Variants in MKLN1 observed in about 807,000 individuals in gnomAD.
The protein encoded by MKLN1 is muskelin 1, also known as muskelin.
A neutral mutation model predicts 99.0 loss-of-function variants in MKLN1; 18 were observed. The ratio of observed to expected loss-of-function variants is 0.18; its 90% CI spans 0.13 to 0.27. The LOEUF (loss-of-function observed/expected upper bound fraction) is 0.27. MKLN1 is among the 10% of genes least tolerant of loss of function. MKLN1 has a pLI of 1.00. For synonymous variants in MKLN1, 288 were observed against 293.2 expected (o/e 0.98, Z 0.18); for missense variants, 621 against 875.9 (o/e 0.71, Z 3.67).
At chr7:131,174,563 G>A (rs988364381) in intron 2 of MKLN1, among the ~76,000 whole-genome samples, 79 of 152,262 alleles carry the variant, frequency 5.2e-4, no homozygotes, top group African/African-American at 1.9e-3. Context: ...TTCCCGACAT[G>A]AGGTGAGGGC....
intron 6 of MKLN1, among the ~76,000 whole-genome samples, chr7:131,410,549 A>G (rs458908): frequency 0.37 from 56,878 of 151,978 alleles, 10,822 homozygotes; most frequent in East Asian, 0.49. Context: ...CTGAAAATGT[A>G]TCAAGGACCT....
intron 3 of MKLN1, among the ~76,000 whole-genome samples, chr7:131,204,933 C>A (rs1388248009): frequency 1.5e-4 from 20 of 130,256 alleles, no homozygotes; most frequent in Admixed American, 3.2e-4. Context: ...GACTCCGTAT[C>A]AAAAAAAAAA....
intron 3 of MKLN1, among the ~76,000 whole-genome samples, chr7:131,242,207 T>G (rs1450796868): frequency 6.6e-6 from 1 of 152,214 alleles, no homozygotes; most frequent in East Asian, 1.9e-4. Context: ...TGAAACACTT[T>G]TACTTTTGGA....
At chr7:131,128,229 C>T (rs969860019) in intron 1 of MKLN1, among the ~76,000 whole-genome samples, 1 of 104,566 alleles carries the variant, frequency 9.6e-6, no homozygotes, top group African/African-American at 4.2e-5. Flanking sequence ...AAACAACAAA[C>T]AAAAAATGGA....
chr7:131,231,860 C>T (rs536605131), intron 3 of MKLN1, among the ~76,000 whole-genome samples: 2 of 152,198 alleles, frequency 1.3e-5, no homozygotes, highest in African/African-American at 4.8e-5. Context: ...GGAAGAATGC[C>T]AATGTCATGC....
At chr7:131,374,809 A>G (rs2116845289) in intron 1 of MKLN1, among the ~76,000 whole-genome samples, 1 of 152,198 alleles carries the variant, frequency 6.6e-6, no homozygotes, top group East Asian at 1.9e-4. Context: ...ATTCTATACG[A>G]TGCATGTTTG....
intron 6 of MKLN1, among the ~76,000 whole-genome samples, chr7:131,403,738 A>C (rs528789326): frequency 6.6e-6 from 1 of 152,312 alleles, no homozygotes; most frequent in South Asian, 2.1e-4. Flanking sequence ...TGGTTTATGG[A>C]GAAGTCAGAA....
chr7:131,378,842 A>C (rs140327920), intron 2 of MKLN1, among the ~76,000 whole-genome samples: 129 of 151,664 alleles, frequency 8.5e-4, no homozygotes, highest in Non-Finnish European at 1.6e-3. Context: ...AAAAGAAAAA[A>C]TACACGCACG....
At chr7:131,137,995 G>A (rs1795676557) in intron 1 of MKLN1, among the ~76,000 whole-genome samples, 2 of 145,014 alleles carry the variant, frequency 1.4e-5, no homozygotes, top group Non-Finnish European at 1.5e-5. Flanking sequence ...GCGTGATCTC[G>A]GCTCACCGCA....
intron 9 of MKLN1, among the ~76,000 whole-genome samples, chr7:131,431,300 C>T (rs1243068504): frequency 1.3e-5 from 2 of 152,124 alleles, no homozygotes; most frequent in Admixed American, 1.3e-4. Context: ...TGCTTAAACC[C>T]TGTGGTTAGC....
intron 3 of MKLN1, among the ~76,000 whole-genome samples, chr7:131,227,196 C>A (rs1015105798): frequency 1.3e-5 from 2 of 152,172 alleles, no homozygotes; most frequent in Admixed American, 1.3e-4. Flanking sequence ...CTCTGCTCAG[C>A]GTCTTATCAG....
At chr7:131,350,632 A>T (rs1361053622) in intron 1 of MKLN1, among the ~76,000 whole-genome samples, 1 of 152,240 alleles carries the variant, frequency 6.6e-6, no homozygotes, top group East Asian at 1.9e-4. Flanking sequence ...GTTTATTGCC[A>T]CGTGGGCATC....
Position 131,401,677 on chromosome 7 carries a change from C to A in MKLN1, c.703+2244C>A, listed in dbSNP as rs372827425. On this transcript the variant is annotated intron_variant, in intron 6 of 17. Coordinates refer to ENST00000352689, the MANE Select transcript of MKLN1 (RefSeq NM_013255.5). ...TTATAGGCATATCTTGGAGATATTG[C>A]AGGTTTGGTTCCAGACCACTGCAGT... Among the ~76,000 whole-genome samples the A allele has an allele frequency of 6.0e-4, 92 of 152,140 alleles. 1 individual carries two copies. Among genetic ancestry groups the A allele is most frequent in the Admixed American group, 2.2e-3 (33 of 15,276 alleles).
chr7:131,473,098 A>G (rs370725533), intron 16 of MKLN1, among the ~76,000 whole-genome samples: 6 of 152,220 alleles, frequency 3.9e-5, no homozygotes, highest in South Asian at 2.1e-4. Flanking sequence ...ATTTGTGAAC[A>G]TATTTAACTT....
At position 131,466,522 on chromosome 7, in the gene MKLN1, G is replaced by A. The variant is rs538000597; in HGVS notation, c.1928+107G>A. ...AAATACTATGAAGATCATGAATTTTGTAAATGCCCTGTTATTCCACTTATT... is the reference window on the plus strand; with the variant it reads ...AAATACTATGAAGATCATGAATTTTATAAATGCCCTGTTATTCCACTTATT... On this transcript the variant is annotated intron_variant, in intron 15 of 17. Transcript: ENST00000352689. 9.5e-6 allele frequency: 7 copies of A among 738,488 alleles called. No homozygotes were observed. The African/African-American group carries it at 1.3e-4, about 13-fold the overall frequency. 45.7% of individuals were successfully genotyped at this position (738,488 alleles called of 1,614,324 possible).
rs71966796 is a variant in MKLN1 at position 131,233,373 on chromosome 7, AAAATAAATAAAT to A, written c.-179+30423_-179+30434del. Among the ~76,000 whole-genome samples the A allele has an allele frequency of 4.9e-5, 7 of 142,446 alleles. No homozygotes were observed. In the East Asian group the frequency reaches 8.2e-4, roughly 17 times the overall value. 93.5% of individuals were successfully genotyped at this position (142,446 alleles called of 152,430 possible). ...TGACAGAAGGAGACCCTGTCTCCAA[AAAATAAATAAAT>A]AAATAAATAAATAAATAAATAAAAA... On this transcript the variant is annotated intron_variant, in intron 3 of 7. Transcript: ENST00000416992.
intron 1 of MKLN1, among the ~76,000 whole-genome samples, chr7:131,332,364 ATATT>A (rs1209722900): frequency 7.4e-5 from 11 of 148,406 alleles, no homozygotes; most frequent in African/African-American, 2.2e-4. Flanking sequence ...AAATATATAT[ATATT>A]CTTTTCTTCT....
Position 131,303,258 on chromosome 7 carries a change from G to C in MKLN1, c.-178-72166G>C, listed in dbSNP as rs115111865. 8.1e-3 allele frequency among the ~76,000 whole-genome samples: 1,228 copies of C among 152,328 alleles called. 18 individuals are homozygous for C. Among genetic ancestry groups the C allele is most frequent in the African/African-American group, 0.029 (1,193 of 41,572 alleles). The stretch of plus-strand genomic sequence containing the variant: ...GCCAATAGGAAAACGGATGAATTCT[G>C]TCTGATTTCTGCAGCAGGCGGAGGC... On this transcript the variant is annotated intron_variant, in intron 3 of 7. Coordinates refer to the MKLN1 transcript ENST00000416992.
At chr7:131,333,976 T>C (rs1308916164) in intron 1 of MKLN1, among the ~76,000 whole-genome samples, 1 of 152,210 alleles carries the variant, frequency 6.6e-6, no homozygotes. Context: ...GAAAACATAT[T>C]TAAATCAGAG....
Sources: gnomAD v4.1 joint callset for allele counts (sites outside exome capture counted in the v4.1 genomes callset) on GRCh38, gnomAD v4.1.1 for gene constraint, MANE v1.5 for transcripts, NCBI Gene and HGNC (gene_info 2026-07-23, HGNC 2026-07-21) for gene names.